Variants in MEGF11 observed in about 807,000 individuals in gnomAD.
The protein encoded by MEGF11 is multiple EGF like domains 11.
MEGF11 carries 126 observed loss-of-function variants against 146.6 expected under a neutral mutation model. The observed-to-expected ratio is 0.86, with a 90% CI of 0.74 to 1.00. The LOEUF (loss-of-function observed/expected upper bound fraction) is 1.00, where lower values mean the gene tolerates loss of function less well. MEGF11 is among the 50% of genes least tolerant of loss of function. The probability of loss-of-function intolerance (pLI) is 0.00; values close to 1 mark genes in which losing one functional copy is unlikely to be tolerated. For missense variants in MEGF11, 1,509 were observed against 1,521.2 expected (o/e 0.99, Z 0.13); for synonymous variants, 532 against 583.4 (o/e 0.91, Z 1.27).
At chr15:65,913,612 C>G in intron 20 of MEGF11, 125 bp downstream of exon 20, 1 of 824,006 alleles carries the variant, frequency 1.2e-6, no homozygotes, top group Non-Finnish European at 2.0e-6. Context: ...CCCATCCCCA[C>G]TGTCACTCTA....
chr15:65,949,377 CA>C (rs1438269839), intron 10 of MEGF11, among the ~76,000 whole-genome samples: 2 of 152,154 alleles, frequency 1.3e-5, no homozygotes, highest in Non-Finnish European at 2.9e-5. Context: ...ACCAGTGGCA[CA>C]GAGAAAGGTG....
chr15:65,930,799 G>A (rs767922170), intron 11 of MEGF11, 24 bp downstream of exon 11: 1 of 1,589,880 alleles, frequency 6.3e-7, no homozygotes, highest in Non-Finnish European at 8.6e-7. Flanking sequence ...GTCAGGGATG[G>A]GCTTGGGAGA....
intron 1 of MEGF11, among the ~76,000 whole-genome samples, chr15:66,132,115 A>G (rs1288093303): frequency 6.6e-6 from 1 of 152,208 alleles, no homozygotes; most frequent in African/African-American, 2.4e-5. Context: ...TCCGGCCTGG[A>G]TCGGCTTTGC....
Position 65,975,386 on chromosome 15 carries a change from G to A in MEGF11, c.763-4697C>T, listed in dbSNP as rs570386422. Among the ~76,000 whole-genome samples, 36 of 152,252 alleles carry A rather than the reference G, an allele frequency of 2.4e-4. No homozygotes were observed. The South Asian group carries it at 6.6e-3, about 28-fold the overall frequency. On this transcript the variant is annotated intron_variant, in intron 7 of 25. Coordinates refer to ENST00000395614, the MANE Select transcript of MEGF11 (RefSeq NM_001385028.1). The stretch of plus-strand genomic sequence containing the variant: ...TCTGGTACGTAGAATGCATCCTTCC[G>A]GCATTCCCTAGGGAAATCAAGCATC...
intron 5 of MEGF11, among the ~76,000 whole-genome samples, chr15:66,027,251 C>A (rs748577041): frequency 2.0e-5 from 3 of 152,252 alleles, no homozygotes; most frequent in Non-Finnish European, 4.4e-5. Context: ...CAAATCCCGA[C>A]TTTACCCCTT....
intron 1 of MEGF11, among the ~76,000 whole-genome samples, chr15:66,210,504 C>T (rs2091416607): frequency 6.6e-6 from 1 of 152,122 alleles, no homozygotes; most frequent in Non-Finnish European, 1.5e-5. Context: ...GGAATCATCT[C>T]GATGCTCCAC....
At chr15:66,112,398 C>T (rs2087475100) in intron 4 of MEGF11, among the ~76,000 whole-genome samples, 1 of 152,080 alleles carries the variant, frequency 6.6e-6, no homozygotes, top group Non-Finnish European at 1.5e-5. Context: ...TTAGCAGAAC[C>T]ACAGCATCTA....
chr15:66,196,488 G>A (rs566357296), intron 1 of MEGF11, among the ~76,000 whole-genome samples: 1 of 152,042 alleles, frequency 6.6e-6, no homozygotes, highest in South Asian at 2.1e-4. Flanking sequence ...AAAAGTTGGT[G>A]GTGGTGAGGT....
intron 5 of MEGF11, among the ~76,000 whole-genome samples, chr15:65,985,272 C>T (rs1022906422): frequency 6.6e-6 from 1 of 152,180 alleles, no homozygotes; most frequent in Non-Finnish European, 1.5e-5. Flanking sequence ...TTCTAGCTCT[C>T]CCCACTGCAG....
chr15:66,148,631 T>C (rs2089456173), intron 1 of MEGF11, among the ~76,000 whole-genome samples: 1 of 152,150 alleles, frequency 6.6e-6, no homozygotes, highest in Non-Finnish European at 1.5e-5. Flanking sequence ...TTGGTCACTG[T>C]GTTCTTGCCC....
At chr15:66,034,617 A>C (rs1289575414) in intron 5 of MEGF11, among the ~76,000 whole-genome samples, 2 of 152,048 alleles carry the variant, frequency 1.3e-5, no homozygotes, top group Non-Finnish European at 2.9e-5. Context: ...ATGGGGTCTT[A>C]CCATGTTGCC....
At chr15:66,185,503 G>C (rs2090670916) in intron 1 of MEGF11, among the ~76,000 whole-genome samples, 2 of 152,114 alleles carry the variant, frequency 1.3e-5, no homozygotes, top group Non-Finnish European at 2.9e-5. Flanking sequence ...CTTAAGGGTA[G>C]GAAGATAAGT....
intron 1 of MEGF11, among the ~76,000 whole-genome samples, chr15:66,225,089 C>A (rs533820740): frequency 1.6e-3 from 239 of 152,342 alleles, no homozygotes; most frequent in African/African-American, 5.6e-3. Context: ...TGCAGCAAGG[C>A]CCAGGCTGGG....
rs138084271 is a variant in MEGF11, at chr15:65,918,232, G to A, written c.1958-138C>T. 594 of 1,216,646 alleles carry A rather than the reference G, an allele frequency of 4.9e-4. 1 individual carries two copies. In the African/African-American group the frequency reaches 6.8e-3, roughly 14 times the overall value. The allele number at this position is 1,216,646 out of a possible 1,614,324, so 75.4% of individuals were successfully genotyped here. The stretch of plus-strand genomic sequence containing the variant: ...ATGGATCTGGATGGAGACCACGCCC[G>A]CCTTGGTACCCTTGTCACCCTTCTC... On this transcript the variant is annotated intron_variant, in intron 15 of 25. Coordinates refer to ENST00000395614, the MANE Select transcript of MEGF11 (RefSeq NM_001385028.1).
chr15:66,126,306 A>C (rs1285843832), intron 2 of MEGF11, among the ~76,000 whole-genome samples: 1 of 152,166 alleles, frequency 6.6e-6, no homozygotes, highest in Non-Finnish European at 1.5e-5. Context: ...ACCTGGTGTC[A>C]CCAGGCATCG....
At chr15:66,225,534 G>A (rs1031136026) in intron 1 of MEGF11, among the ~76,000 whole-genome samples, 1 of 152,188 alleles carries the variant, frequency 6.6e-6, no homozygotes, top group African/African-American at 2.4e-5. Flanking sequence ...ATGCCCTTTG[G>A]AGGCAGGAAC....
At chr15:65,946,540 C>T (rs1372233105) in intron 10 of MEGF11, among the ~76,000 whole-genome samples, 1 of 152,146 alleles carries the variant, frequency 6.6e-6, no homozygotes, top group East Asian at 1.9e-4. Flanking sequence ...CTACTGGCAC[C>T]CACCACCATG....
chr15:66,062,343 A>C (rs576096038), intron 5 of MEGF11, among the ~76,000 whole-genome samples: 1 of 152,234 alleles, frequency 6.6e-6, no homozygotes, highest in Non-Finnish European at 1.5e-5. Flanking sequence ...GCTAGCATGC[A>C]CTAGAAAGAC....
chr15:66,203,196 C>T lies in MEGF11; in HGVS notation c.-9+50409G>A, dbSNP rs189740608. Among the ~76,000 whole-genome samples the T allele has an allele frequency of 6.6e-5, 10 of 152,326 alleles. No homozygotes were observed. In the East Asian group the frequency reaches 1.9e-3, roughly 29 times the overall value. ...CTGCCTGAGCCTGCGCACTCAGCCACCCCCAAGTGGGGTAGGAGCTGAGAC... is the reference window on the plus strand; with the variant it reads ...CTGCCTGAGCCTGCGCACTCAGCCATCCCCAAGTGGGGTAGGAGCTGAGAC... On this transcript the variant is annotated intron_variant, in intron 1 of 25. Coordinates refer to ENST00000395614, the MANE Select transcript of MEGF11 (RefSeq NM_001385028.1).
Sources: allele counts gnomAD v4.1 joint callset (sites outside exome capture counted in the v4.1 genomes callset), GRCh38; gene constraint gnomAD v4.1.1; transcripts MANE v1.5; gene names NCBI Gene and HGNC (gene_info 2026-07-23, HGNC 2026-07-21).